The following KIAA1549L variants were observed in gnomAD, a reference collection of about 807,000 sequenced individuals.
KIAA1549L encodes the protein UPF0606 protein KIAA1549L.
In KIAA1549L, 88 loss-of-function variants were observed where a neutral mutation model predicts 160.7. The ratio of observed to expected loss-of-function variants is 0.55; its 90% confidence interval spans 0.46 to 0.65. The LOEUF (loss-of-function observed/expected upper bound fraction) is 0.65. Ranked by LOEUF, KIAA1549L falls within the 30% of genes least tolerant of loss-of-function variation. The pLI is 0.00. For missense variants in KIAA1549L, 2,258 were observed against 2,437.5 expected (o/e 0.93, Z 1.55); for synonymous variants, 950 against 976.7 (o/e 0.97, Z 0.51).
At chr11:33,650,657 T>C (rs1471256909) in intron 17 of KIAA1549L, among the ~76,000 whole-genome samples, 1 of 152,140 alleles carries the variant, frequency 6.6e-6, no homozygotes. Context: ...GTCACCAGAT[T>C]CTTCCCTTCC....
intron 15 of KIAA1549L, among the ~76,000 whole-genome samples, chr11:33,615,621 A>G (rs530344292): frequency 1.3e-5 from 2 of 152,310 alleles, no homozygotes; most frequent in East Asian, 1.9e-4. Flanking sequence ...TTTAAGCTGT[A>G]TATTTTAAGG....
intron 16 of KIAA1549L, among the ~76,000 whole-genome samples, chr11:33,644,473 G>A (rs1024728659): frequency 3.3e-5 from 5 of 152,180 alleles, no homozygotes; most frequent in Non-Finnish European, 5.9e-5. Flanking sequence ...GTAATTACAT[G>A]GAAATATGTG....
intron 16 of KIAA1549L, among the ~76,000 whole-genome samples, chr11:33,643,758 G>C (rs1851648933): frequency 6.6e-6 from 1 of 152,204 alleles, no homozygotes; most frequent in Admixed American, 6.5e-5. Flanking sequence ...AATGGGGCTT[G>C]AGTTTAATGA....
chr11:33,669,013 T>C lies in KIAA1549L; in HGVS notation c.*859T>C, dbSNP rs920780668. The C allele has an allele frequency of 6.6e-6, 1 of 152,186 alleles. No homozygotes were observed. The highest frequency in any genetic ancestry group is 6.5e-5 in the Admixed American group (1 of 15,280). The allele number at this position is 152,186 out of a possible 1,614,324, so 9.4% of individuals were successfully genotyped here. On this transcript the variant is annotated 3_prime_UTR_variant, in exon 21 of 21. Transcript: ENST00000658780. The stretch of plus-strand genomic sequence containing the variant: ...GGCCTGAGAATGGAGCTTCTCTTTT[T>C]CTTGGGATAATAGATACATCAACTT...
intron 1 of KIAA1549L, among the ~76,000 whole-genome samples, chr11:33,454,514 C>T (rs541627966): frequency 6.6e-6 from 1 of 152,286 alleles, no homozygotes; most frequent in South Asian, 2.1e-4. Context: ...CTGAGGGCTT[C>T]ATTGCATTAA....
At chr11:33,663,750 C>CT (rs1473973513) in intron 20 of KIAA1549L, among the ~76,000 whole-genome samples, 2 of 152,210 alleles carry the variant, frequency 1.3e-5, no homozygotes, top group Admixed American at 1.3e-4. Flanking sequence ...ACTCCCTGCT[C>CT]TTGCTCTGCA....
chr11:33,574,731 G>C lies in KIAA1549L; in HGVS notation c.4260G>C (p.Pro1420=), dbSNP rs139772715. The part of the protein sequence containing the change: ...QMVKMQRVPG[P]KDPAELTYYT... ...TGAAGATGCAGCGTGTCCCAGGCCCGAAGGACCCAGCGGAGCTGACTTACT... is the reference window on the plus strand; with the variant it reads ...TGAAGATGCAGCGTGTCCCAGGCCCCAAGGACCCAGCGGAGCTGACTTACT... The change falls in exon 10 of 21, where the codon CCG becomes CCC. Residue 1420 remains proline (P), a synonymous_variant. Transcript: ENST00000658780. 7.4e-6 allele frequency: 12 copies of C among 1,612,696 alleles called. No homozygotes were observed. The Admixed American group carries it at 1.8e-4, about 25-fold the overall frequency.
At chr11:33,507,217 G>A (rs562511548) in intron 1 of KIAA1549L, among the ~76,000 whole-genome samples, 45 of 152,290 alleles carry the variant, frequency 3.0e-4, no homozygotes, top group African/African-American at 9.6e-4. Flanking sequence ...GCTTTGCCTT[G>A]ATGGAGTCTT....
At chr11:33,409,670 C>T (rs1850747355) in intron 1 of KIAA1549L, among the ~76,000 whole-genome samples, 1 of 152,094 alleles carries the variant, frequency 6.6e-6, no homozygotes, top group African/African-American at 2.4e-5. Context: ...TTGGAAAACA[C>T]CCTTTTGAAT....
chr11:33,620,975 A>G (rs16924504), intron 16 of KIAA1549L, among the ~76,000 whole-genome samples: 1,847 of 152,322 alleles, frequency 0.012, 37 homozygotes, highest in African/African-American at 0.042. Flanking sequence ...CGGTCATTCA[A>G]TTGGAAACAT....
chr11:33,528,745 C>T (rs1051870484), intron 1 of KIAA1549L, among the ~76,000 whole-genome samples: 3 of 152,142 alleles, frequency 2.0e-5, no homozygotes, highest in Non-Finnish European at 2.9e-5. Flanking sequence ...AACCAGTGTA[C>T]GTTCTCACTT....
At chr11:33,658,444 T>C (rs1184989775) in intron 18 of KIAA1549L, among the ~76,000 whole-genome samples, 1 of 152,146 alleles carries the variant, frequency 6.6e-6, no homozygotes, top group East Asian at 1.9e-4. Context: ...TTTCTTATTT[T>C]ATGTGGAAAT....
intron 13 of KIAA1549L, among the ~76,000 whole-genome samples, chr11:33,605,167 T>C (rs1315290110): frequency 6.9e-6 from 1 of 143,938 alleles, no homozygotes; most frequent in Non-Finnish European, 1.5e-5. Context: ...TTTGTTTTGT[T>C]TTGTTTTGTT....
At chr11:33,589,889 C>T (rs1849997206) in intron 11 of KIAA1549L, among the ~76,000 whole-genome samples, 1 of 152,066 alleles carries the variant, frequency 6.6e-6, no homozygotes, top group Non-Finnish European at 1.5e-5. Flanking sequence ...CACATGTACC[C>T]TAAAACTTAA....
At chr11:33,577,743 C>T (rs1485090709) in intron 10 of KIAA1549L, among the ~76,000 whole-genome samples, 2 of 152,140 alleles carry the variant, frequency 1.3e-5, no homozygotes. Flanking sequence ...GGAAGATTGA[C>T]AGGGCTCCGC....
intron 1 of KIAA1549L, among the ~76,000 whole-genome samples, chr11:33,532,012 G>A (rs1853785094): frequency 6.6e-6 from 1 of 152,180 alleles, no homozygotes; most frequent in Non-Finnish European, 1.5e-5. Flanking sequence ...GCCCGCCCCA[G>A]ATCTGGAGAT....
intron 6 of KIAA1549L, among the ~76,000 whole-genome samples, chr11:33,559,250 G>A (rs1854756022): frequency 6.6e-6 from 1 of 152,134 alleles, no homozygotes; most frequent in African/African-American, 2.4e-5. Flanking sequence ...GTTTGACTCA[G>A]GCTTTCTCTA....
chr11:33,482,638 G>A (rs1456204520), intron 1 of KIAA1549L, among the ~76,000 whole-genome samples: 4 of 149,036 alleles, frequency 2.7e-5, no homozygotes, highest in Non-Finnish European at 5.9e-5. Context: ...CATGATCTTG[G>A]CCCTCACTGC....
At chr11:33,613,501 T>G (rs1401879989) in intron 15 of KIAA1549L, among the ~76,000 whole-genome samples, 1 of 152,206 alleles carries the variant, frequency 6.6e-6, no homozygotes, top group Non-Finnish European at 1.5e-5. Flanking sequence ...TTCTTAGGCC[T>G]CAAGGAGCTT....
Sources: allele counts gnomAD v4.1 joint callset (sites outside exome capture counted in the v4.1 genomes callset), GRCh38; gene constraint gnomAD v4.1.1; transcripts MANE v1.5; gene names NCBI Gene and HGNC (gene_info 2026-07-23, HGNC 2026-07-21).